MSRA: variants seen among roughly 807,000 people sequenced by gnomAD.
MSRA encodes the protein methionine sulfoxide reductase A.
Under a neutral mutation model 31.3 loss-of-function variants are expected in MSRA, and 54 were observed. The observed-to-expected ratio is 1.73, with a 90% CI of 1.39 to 2.17. The LOEUF (loss-of-function observed/expected upper bound fraction) is 2.17, where lower values mean the gene tolerates loss of function less well. Among genes scored for constraint, MSRA ranks in the 30% most tolerant of loss-of-function variants. The pLI is 0.00. For synonymous variants in MSRA, 169 were observed against 116.5 expected (o/e 1.45, Z -2.90); for missense variants, 507 against 300.9 (o/e 1.69, Z -5.07).
intron 3 of MSRA, among the ~76,000 whole-genome samples, chr8:10,254,038 C>T (rs1017705993): frequency 5.3e-5 from 8 of 151,978 alleles, no homozygotes; most frequent in Admixed American, 1.3e-4. Flanking sequence ...TCCGATCTGC[C>T]GGGGACTCCT....
intron 1 of MSRA, among the ~76,000 whole-genome samples, chr8:10,092,616 C>T (rs967307580): frequency 6.6e-6 from 1 of 151,456 alleles, no homozygotes; most frequent in Non-Finnish European, 1.5e-5. Flanking sequence ...TGAGATTGTG[C>T]CTGGTGACGG....
chr8:10,320,485 A>G (rs1158802546), intron 5 of MSRA: 1 of 152,302 alleles, frequency 6.6e-6, no homozygotes, highest in African/African-American at 2.4e-5. Flanking sequence ...AAAAATAAAG[A>G]GTAGGCCCTT....
intron 2 of MSRA, among the ~76,000 whole-genome samples, chr8:10,213,663 C>G (rs531297999): frequency 2.0e-5 from 3 of 152,062 alleles, no homozygotes; most frequent in Admixed American, 6.6e-5. Context: ...GTCTCGATCT[C>G]CTGACCTCGT....
At chr8:10,272,197 A>G (rs1368092950) in intron 3 of MSRA, among the ~76,000 whole-genome samples, 1 of 152,162 alleles carries the variant, frequency 6.6e-6, no homozygotes. Flanking sequence ...TTCTCCAGGA[A>G]AACAGAAGCA....
chr8:10,372,583 C>T (rs1805540856), intron 5 of MSRA, among the ~76,000 whole-genome samples: 1 of 152,142 alleles, frequency 6.6e-6, no homozygotes, highest in African/African-American at 2.4e-5. Context: ...TGAAATGAAT[C>T]TCCTCCCACC....
chr8:10,427,428 G>C (rs1421235561), intron 5 of MSRA, among the ~76,000 whole-genome samples: 1 of 152,188 alleles, frequency 6.6e-6, no homozygotes, highest in African/African-American at 2.4e-5. Context: ...ATGTCACCGG[G>C]ACGTAAACTA....
At chr8:10,415,053 G>A (rs1299663428) in intron 5 of MSRA, among the ~76,000 whole-genome samples, 1 of 152,204 alleles carries the variant, frequency 6.6e-6, no homozygotes, top group African/African-American at 2.4e-5. Flanking sequence ...GTCCTTGAAT[G>A]CATGATGGAG....
At chr8:10,230,285 G>T (rs976341810) in intron 2 of MSRA, among the ~76,000 whole-genome samples, 50 of 152,202 alleles carry the variant, frequency 3.3e-4, no homozygotes, top group Non-Finnish European at 1.3e-4. Context: ...CTTTGTATCT[G>T]ATTGACATTC....
chr8:10,278,772 C>G (rs1799461011), intron 3 of MSRA, among the ~76,000 whole-genome samples: 1 of 152,166 alleles, frequency 6.6e-6, no homozygotes, highest in African/African-American at 2.4e-5. Context: ...GAGTACAGCC[C>G]TTTACTGAAC....
At chr8:10,151,475 C>G (rs891124188) in intron 1 of MSRA, among the ~76,000 whole-genome samples, 1 of 151,686 alleles carries the variant, frequency 6.6e-6, no homozygotes, top group African/African-American at 2.4e-5. Context: ...AACCCCGTCT[C>G]TACTAAAAAT....
At chr8:10,155,489 G>T (rs1481602889) in intron 1 of MSRA, among the ~76,000 whole-genome samples, 2 of 152,114 alleles carry the variant, frequency 1.3e-5, no homozygotes, top group Non-Finnish European at 2.9e-5. Context: ...AGTTGTATCA[G>T]CTGAAGAGCG....
intron 1 of MSRA, among the ~76,000 whole-genome samples, chr8:10,115,307 G>C (rs1033239535): frequency 6.6e-6 from 1 of 152,208 alleles, no homozygotes; most frequent in South Asian, 2.1e-4. Flanking sequence ...TGGAATGGAA[G>C]AGAGACCAGC....
At chr8:10,427,705 C>T (rs1178217264) in intron 5 of MSRA, among the ~76,000 whole-genome samples, 2 of 152,148 alleles carry the variant, frequency 1.3e-5, no homozygotes, top group African/African-American at 4.8e-5. Flanking sequence ...CTACCCTGTC[C>T]ACCCGTTTCA....
At chr8:10,203,793 A>G (rs7812517) in intron 1 of MSRA, among the ~76,000 whole-genome samples, 76,856 of 152,022 alleles carry the variant, frequency 0.51, 19,921 homozygotes, top group African/African-American at 0.64. Context: ...AGAAGGAGAC[A>G]TTGTTACCAT....
intron 4 of MSRA, among the ~76,000 whole-genome samples, chr8:10,318,541 C>G (rs1260678316): frequency 6.6e-6 from 1 of 152,188 alleles, no homozygotes; most frequent in Non-Finnish European, 1.5e-5. Flanking sequence ...AGGAGTTATT[C>G]TATCATCAAT....
intron 5 of MSRA, among the ~76,000 whole-genome samples, chr8:10,391,035 A>G (rs956897352): frequency 4.6e-5 from 7 of 151,964 alleles, no homozygotes; most frequent in African/African-American, 1.7e-4. Flanking sequence ...GGAGAAACCT[A>G]CCTATTCTCA....
chr8:10,291,183 G>A (rs1326565690), intron 3 of MSRA, among the ~76,000 whole-genome samples: 3 of 152,140 alleles, frequency 2.0e-5, no homozygotes, highest in South Asian at 4.1e-4. Context: ...TCTTGATCCA[G>A]TACTGAGCTG....
chr8:10,321,127 T>C (rs1802021830), intron 5 of MSRA, among the ~76,000 whole-genome samples: 1 of 152,186 alleles, frequency 6.6e-6, no homozygotes, highest in African/African-American at 2.4e-5. Context: ...TTGTGTACCC[T>C]TTTTTAAAAT....
chr8:10,320,120 T>C, intron 5 of MSRA, 131 bp downstream of exon 5: 1 of 607,260 alleles, frequency 1.6e-6, no homozygotes, highest in Non-Finnish European at 2.9e-6. Context: ...GAAATTTCTG[T>C]CAGCCTCTAG....
Sources: gnomAD v4.1 joint callset for allele counts (sites outside exome capture counted in the v4.1 genomes callset) on GRCh38, gnomAD v4.1.1 for gene constraint, MANE v1.5 for transcripts, NCBI Gene and HGNC (gene_info 2026-07-23, HGNC 2026-07-21) for gene names.